The following HOMER2 variants were observed in gnomAD, a reference collection of about 807,000 sequenced individuals.
HOMER2 encodes the protein homer protein homolog 2.
HOMER2 carries 27 observed loss-of-function variants against 47.0 expected under a neutral mutation model. The observed-to-expected ratio is 0.57, with a 90% CI of 0.42 to 0.79. HOMER2 has a LOEUF of 0.79. Among genes scored for constraint, HOMER2 ranks in the 30% least tolerant of loss-of-function variants. HOMER2 has a pLI of 0.00. For synonymous variants in HOMER2, 161 were observed against 163.8 expected (o/e 0.98, Z 0.13); for missense variants, 443 against 435.0 (o/e 1.02, Z -0.16).
chr15:82,964,040 G>A lies in HOMER2; in HGVS notation n.83-4732C>T, dbSNP rs1025470325. 1.8e-4 allele frequency among the ~76,000 whole-genome samples: 28 copies of A among 152,328 alleles called. 1 individual carries two copies. Among genetic ancestry groups the A allele is most frequent in the Admixed American group, 1.8e-3 (27 of 15,300 alleles). On this transcript the variant is annotated intron_variant and non_coding_transcript_variant, in intron 1 of 1. Transcript: ENST00000500334. ...TTTGGCCAGATATTAATTAGGAAATGACTACAGAGAGCTGGTGACATTAGA... is the reference window on the plus strand; with the variant it reads ...TTTGGCCAGATATTAATTAGGAAATAACTACAGAGAGCTGGTGACATTAGA...
At chr15:82,846,909 AT>A (rs2051258342), downstream of HOMER2, 1 of 152,168 alleles carries the variant, frequency 6.6e-6, no homozygotes, top group Non-Finnish European at 1.5e-5. Flanking sequence ...ATGAAAGGTT[AT>A]TTTTAAAGGT....
At chr15:82,864,742 G>A (rs2051910114) in intron 3 of HOMER2, among the ~76,000 whole-genome samples, 1 of 152,190 alleles carries the variant, frequency 6.6e-6, no homozygotes, top group Non-Finnish European at 1.5e-5. Context: ...ATGTGTATAT[G>A]GGTGTTCATT....
Position 82,849,728 on chromosome 15 carries a change from C to T in HOMER2, c.1019G>A (p.Gly340Asp). 1 of 1,613,294 alleles carries T rather than the reference C, an allele frequency of 6.2e-7. No homozygotes were observed. The highest frequency in any genetic ancestry group is 8.5e-7 in the Non-Finnish European group (1 of 1,179,634). ...CCTCGGCCAGCCCTAGTTATCGGTG[C>T]CCAGCTTGGAGAGCCCTCGGCGGAA... ...HDFRRGLSKL[G>D]TDN The change falls in exon 9 of 9, where the codon GGC becomes GAC. Residue 340 changes from glycine (G) to aspartate (D), a missense_variant. Coordinates refer to ENST00000450735, the MANE Select transcript of HOMER2 (RefSeq NM_004839.4).
At chr15:82,896,550 C>T (rs944611076) in intron 1 of HOMER2, among the ~76,000 whole-genome samples, 1 of 152,178 alleles carries the variant, frequency 6.6e-6, no homozygotes, top group Non-Finnish European at 1.5e-5. Flanking sequence ...CATGGTCAGG[C>T]CCTCTGCAGG....
At chr15:82,861,453 A>G (rs553732393) in intron 4 of HOMER2, among the ~76,000 whole-genome samples, 1 of 152,366 alleles carries the variant, frequency 6.6e-6, no homozygotes, top group South Asian at 2.1e-4. Context: ...AGTATGTTAG[A>G]AAGATACACA....
intron 1 of HOMER2, among the ~76,000 whole-genome samples, chr15:82,973,669 A>G (rs1013496866): frequency 6.6e-6 from 1 of 152,260 alleles, no homozygotes; most frequent in Non-Finnish European, 1.5e-5. Context: ...TATAGAAAAC[A>G]CATCATAGTT....
chr15:82,953,967 TC>T (rs1319718579), upstream of HOMER2, among the ~76,000 whole-genome samples: 2 of 151,854 alleles, frequency 1.3e-5, no homozygotes, highest in Admixed American at 1.3e-4. Context: ...TCCCAGCTAC[TC>T]GGGAGGCTTG....
chr15:82,895,266 T>C (rs1419491108), intron 1 of HOMER2, among the ~76,000 whole-genome samples: 4 of 152,150 alleles, frequency 2.6e-5, no homozygotes, highest in African/African-American at 9.7e-5. Flanking sequence ...GAGACCAAGT[T>C]CACCCACACA....
At chr15:82,895,162 C>T (rs923743178) in intron 1 of HOMER2, among the ~76,000 whole-genome samples, 1 of 152,208 alleles carries the variant, frequency 6.6e-6, no homozygotes, top group Non-Finnish European at 1.5e-5. Flanking sequence ...TAGCAGCATT[C>T]CTTGCTCCCT....
At chr15:82,925,606 G>A (rs1221272809) in intron 1 of HOMER2, among the ~76,000 whole-genome samples, 1 of 152,132 alleles carries the variant, frequency 6.6e-6, no homozygotes, top group African/African-American at 2.4e-5. Context: ...CCCTTTGGCT[G>A]TGTAACCCTT....
intron 3 of HOMER2, 61 bp downstream of exon 3, chr15:82,875,212 A>G (rs1408679247): frequency 1.3e-6 from 2 of 1,580,770 alleles, no homozygotes; most frequent in Non-Finnish European, 1.7e-6. Context: ...TCGGCGGGCA[A>G]TCACTGATGA....
downstream of HOMER2, among the ~76,000 whole-genome samples, chr15:82,836,406 AGCCCCT>A (rs1217960797): frequency 2.0e-5 from 3 of 152,212 alleles, no homozygotes; most frequent in African/African-American, 7.2e-5. Context: ...TCCCCTGGGC[AGCCCCT>A]GCCCCTGCCA....
intron 2 of HOMER2, among the ~76,000 whole-genome samples, chr15:82,892,458 C>G (rs1348983002): frequency 6.6e-6 from 1 of 152,122 alleles, no homozygotes; most frequent in Non-Finnish European, 1.5e-5. Flanking sequence ...GCATTATAGG[C>G]CGTCGGCAGA....
downstream of HOMER2, chr15:82,835,700 C>G (rs1281511143): frequency 8.5e-5 from 13 of 152,428 alleles, no homozygotes; most frequent in African/African-American, 3.1e-4. Context: ...GCCCCTGTAC[C>G]TGCCGCTCCC....
chr15:82,888,894 C>G lies in HOMER2; in HGVS notation c.162+3791G>C, dbSNP rs1472595385. 7.3e-5 allele frequency among the ~76,000 whole-genome samples: 11 copies of G among 150,190 alleles called. 5 individuals are homozygous for G. The highest frequency in any genetic ancestry group is 1.6e-4 in the Non-Finnish European group (11 of 67,578). ...TGGGAGCTGTAGACCGGAGCTGTTC[C>G]TATTCGGCCATCTTGGCTCCTCCCC... On this transcript the variant is annotated intron_variant, in intron 2 of 8. Transcript: ENST00000450735.
chr15:82,917,023 A>T (rs1356020527), intron 1 of HOMER2, among the ~76,000 whole-genome samples: 4 of 151,858 alleles, frequency 2.6e-5, no homozygotes, highest in Non-Finnish European at 4.4e-5. Flanking sequence ...GATGGCCTCG[A>T]TCTCTTGACC....
At chr15:82,976,985 AT>A (rs199998913) in intron 1 of HOMER2, among the ~76,000 whole-genome samples, 1 of 150,282 alleles carries the variant, frequency 6.7e-6, no homozygotes, top group Non-Finnish European at 1.5e-5. Context: ...TGTGTTCCAC[AT>A]TTTTTTTTAA....
chr15:82,962,781 G>A (rs2075510099), intron 1 of HOMER2, among the ~76,000 whole-genome samples: 3 of 152,078 alleles, frequency 2.0e-5, no homozygotes, highest in Admixed American at 2.0e-4. Context: ...GCAGATAAGA[G>A]GTTTAATATA....
chr15:82,872,884 C>A (rs563535469), intron 3 of HOMER2, among the ~76,000 whole-genome samples: 10 of 152,204 alleles, frequency 6.6e-5, no homozygotes, highest in Non-Finnish European at 8.8e-5. Context: ...GAGGTTTGAG[C>A]AACAGCAACA....
Sources: allele counts gnomAD v4.1 joint callset (sites outside exome capture counted in the v4.1 genomes callset), GRCh38; gene constraint gnomAD v4.1.1; transcripts MANE v1.5; gene names NCBI Gene and HGNC (gene_info 2026-07-23, HGNC 2026-07-21).